PRKG1: variants seen among roughly 807,000 people sequenced by gnomAD.
PRKG1 encodes cGMP-dependent protein kinase 1.
PRKG1 carries 35 observed loss-of-function variants against 88.1 expected under a neutral mutation model. The observed-to-expected ratio is 0.40, with a 90% CI of 0.30 to 0.53. The LOEUF (loss-of-function observed/expected upper bound fraction) is 0.53, where lower values mean the gene tolerates loss of function less well. PRKG1 is among the 20% of genes least tolerant of loss of function. The pLI, the probability that PRKG1 is intolerant of heterozygous loss-of-function variation, is 0.59. For synonymous variants in PRKG1, 303 were observed against 292.5 expected (o/e 1.04, Z -0.37); for missense variants, 540 against 839.8 (o/e 0.64, Z 4.41).
rs139482892 is a variant in PRKG1 at position 51,589,355 on chromosome 10, G to T, written c.592+121519G>T. Among the ~76,000 whole-genome samples, 270 of 152,284 alleles carry T rather than the reference G, an allele frequency of 1.8e-3. 3 individuals are homozygous for T. Among genetic ancestry groups the T allele is most frequent in the African/African-American group, 6.1e-3 (255 of 41,566 alleles). ...AAGAATAATGCAGCCCAGGCACAGTGGCTCACAGCTGTAATCCCAGCACTT... is the reference window on the plus strand; with the variant it reads ...AAGAATAATGCAGCCCAGGCACAGTTGCTCACAGCTGTAATCCCAGCACTT... On this transcript the variant is annotated intron_variant, in intron 3 of 17. Coordinates refer to ENST00000373980, the MANE Select transcript of PRKG1 (RefSeq NM_006258.4).
chr10:51,889,571 C>T lies in PRKG1; in HGVS notation c.699-17936C>T, dbSNP rs533187700. On this transcript the variant is annotated intron_variant, in intron 4 of 17. Transcript: ENST00000373980. ...GATTTATAATCCTTTGGTTATATAC[C>T]TAGTAATTGGATGGCTGGGTCAAAT... 1.7e-4 allele frequency among the ~76,000 whole-genome samples: 26 copies of T among 152,108 alleles called. 1 individual carries two copies. The East Asian group carries it at 4.6e-3, about 27-fold the overall frequency.
chr10:51,505,147 T>A (rs1841156858), intron 3 of PRKG1, among the ~76,000 whole-genome samples: 1 of 152,178 alleles, frequency 6.6e-6, no homozygotes, highest in Non-Finnish European at 1.5e-5. Flanking sequence ...ATACATCCCA[T>A]CAATACCTAA....
intron 5 of PRKG1, among the ~76,000 whole-genome samples, chr10:51,987,390 A>G (rs1008937815): frequency 2.0e-5 from 3 of 152,038 alleles, no homozygotes; most frequent in African/African-American, 7.2e-5. Flanking sequence ...AAGAAGGAAA[A>G]CAAGCTTATG....
chr10:51,070,168 T>C (rs1328563091), upstream of PRKG1, among the ~76,000 whole-genome samples: 1 of 152,094 alleles, frequency 6.6e-6, no homozygotes, highest in Non-Finnish European at 1.5e-5. Flanking sequence ...TCACCTAGTC[T>C]GGATATGAAG....
intron 7 of PRKG1, among the ~76,000 whole-genome samples, chr10:52,107,185 T>C (rs1371272808): frequency 2.0e-5 from 3 of 152,146 alleles, no homozygotes; most frequent in Admixed American, 6.6e-5. Context: ...TCCTAACCAA[T>C]AGAATGACCA....
At chr10:51,527,087 C>T (rs1335159756) in intron 3 of PRKG1, among the ~76,000 whole-genome samples, 2 of 152,260 alleles carry the variant, frequency 1.3e-5, no homozygotes, top group East Asian at 3.9e-4. Flanking sequence ...CCCAATAAAA[C>T]TAGAATTTGA....
intron 3 of PRKG1, among the ~76,000 whole-genome samples, chr10:51,723,828 A>T (rs989382572): frequency 2.1e-4 from 32 of 152,212 alleles, no homozygotes; most frequent in Non-Finnish European, 5.9e-5. Flanking sequence ...TTGTTTGCAG[A>T]ATAGTTGCAT....
At chr10:52,014,341 G>C (rs986712785) in intron 5 of PRKG1, among the ~76,000 whole-genome samples, 2 of 152,100 alleles carry the variant, frequency 1.3e-5, no homozygotes, top group Admixed American at 6.5e-5. Context: ...AGAAGGCATG[G>C]GGGAAGAGCC....
chr10:51,161,518 G>A (rs1216406576), intron 2 of PRKG1, among the ~76,000 whole-genome samples: 1 of 152,102 alleles, frequency 6.6e-6, no homozygotes, highest in African/African-American at 2.4e-5. Context: ...ACTAGGAAGA[G>A]GCATAGTGTG....
At chr10:51,047,624 A>T (rs1843506993) in intron 1 of PRKG1, among the ~76,000 whole-genome samples, 1 of 151,880 alleles carries the variant, frequency 6.6e-6, no homozygotes, top group African/African-American at 2.4e-5. Context: ...TTCCAAAAAA[A>T]AAAAAAAAAA....
intron 4 of PRKG1, among the ~76,000 whole-genome samples, chr10:51,900,024 C>T (rs2132930678): frequency 1.3e-5 from 2 of 152,208 alleles, no homozygotes; most frequent in South Asian, 4.2e-4. Flanking sequence ...TTTCCTGAGG[C>T]CTTCACTGAA....
chr10:51,720,197 C>T (rs1275312671), intron 3 of PRKG1, among the ~76,000 whole-genome samples: 2 of 152,064 alleles, frequency 1.3e-5, no homozygotes, highest in African/African-American at 4.8e-5. Context: ...TAATAGAGAC[C>T]ACACTCTTCA....
chr10:51,817,227 G>A (rs911874404), intron 4 of PRKG1, among the ~76,000 whole-genome samples: 2 of 151,928 alleles, frequency 1.3e-5, no homozygotes, highest in African/African-American at 4.8e-5. Context: ...TTTAAGTTCT[G>A]GGATACATGT....
intron 9 of PRKG1, among the ~76,000 whole-genome samples, chr10:52,226,502 TAC>T (rs1333325668): frequency 2.0e-5 from 3 of 151,926 alleles, no homozygotes; most frequent in African/African-American, 4.9e-5. Context: ...GGTGATGTTT[TAC>T]CAACTTTGAA....
At chr10:52,168,878 C>A (rs1036229597) in intron 9 of PRKG1, among the ~76,000 whole-genome samples, 1 of 151,888 alleles carries the variant, frequency 6.6e-6, no homozygotes, top group Non-Finnish European at 1.5e-5. Flanking sequence ...TATATGGTTC[C>A]CAGGTTTGGA....
At chr10:51,844,617 A>C (rs191547254) in intron 4 of PRKG1, among the ~76,000 whole-genome samples, 6 of 152,330 alleles carry the variant, frequency 3.9e-5, no homozygotes, top group Admixed American at 2.6e-4. Context: ...CACTGAAATC[A>C]ATCTACTTTT....
At chr10:51,947,173 T>G (rs1225785375) in intron 5 of PRKG1, among the ~76,000 whole-genome samples, 3 of 152,030 alleles carry the variant, frequency 2.0e-5, no homozygotes, top group Non-Finnish European at 4.4e-5. Flanking sequence ...AATGGCAGGC[T>G]CCCCTCCCCC....
chr10:51,578,862 C>T (rs562740798), intron 3 of PRKG1, among the ~76,000 whole-genome samples: 2 of 151,752 alleles, frequency 1.3e-5, no homozygotes, highest in Admixed American at 6.6e-5. Flanking sequence ...AGATTGGGAC[C>T]AACCATAGAC....
chr10:51,068,028 A>G (rs1195937017), intron 1 of PRKG1, among the ~76,000 whole-genome samples: 1 of 152,102 alleles, frequency 6.6e-6, no homozygotes, highest in East Asian at 1.9e-4. Context: ...GTAGTTAGTT[A>G]CAAATACATA....
Sources: gnomAD v4.1 joint callset for allele counts (sites outside exome capture counted in the v4.1 genomes callset) on GRCh38, gnomAD v4.1.1 for gene constraint, MANE v1.5 for transcripts, NCBI Gene and HGNC (gene_info 2026-07-23, HGNC 2026-07-21) for gene names.